Variants in MCTP1 observed in about 807,000 individuals in gnomAD.
The protein encoded by MCTP1 is multiple C2 and transmembrane domain-containing protein 1.
In MCTP1, 69 loss-of-function variants were observed where a neutral mutation model predicts 120.6. The ratio of observed to expected loss-of-function variants is 0.57; its 90% CI spans 0.47 to 0.70. The LOEUF (loss-of-function observed/expected upper bound fraction) is 0.70. MCTP1 is among the 30% of genes least tolerant of loss of function. The probability of loss-of-function intolerance (pLI) is 0.00; values close to 1 mark genes in which losing one functional copy is unlikely to be tolerated. For missense variants in MCTP1, 1,203 were observed against 1,248.8 expected (o/e 0.96, Z 0.55); for synonymous variants, 529 against 493.1 (o/e 1.07, Z -0.96).
At chr5:94,983,461 A>G (rs1379748476) in intron 2 of MCTP1, among the ~76,000 whole-genome samples, 1 of 152,176 alleles carries the variant, frequency 6.6e-6, no homozygotes, top group Non-Finnish European at 1.5e-5. Context: ...TATAAATGGT[A>G]TCAGTGTATT....
chr5:94,774,815 C>A (rs2152919573), intron 19 of MCTP1, among the ~76,000 whole-genome samples: 1 of 152,342 alleles, frequency 6.6e-6, no homozygotes, highest in Non-Finnish European at 1.5e-5. Context: ...TGCCTCCTTT[C>A]TTCTTGCCTT....
chr5:94,772,838 G>T (rs1465082207), intron 19 of MCTP1, among the ~76,000 whole-genome samples: 5 of 152,154 alleles, frequency 3.3e-5, no homozygotes, highest in African/African-American at 1.2e-4. Flanking sequence ...TCATAAGGAA[G>T]CGTAAGGATG....
intron 1 of MCTP1, among the ~76,000 whole-genome samples, chr5:95,229,810 T>C (rs1034701140): frequency 6.6e-6 from 1 of 152,026 alleles, no homozygotes; most frequent in East Asian, 1.9e-4. Context: ...AGATTATGTG[T>C]CAGAGTGTTT....
At chr5:95,226,279 A>G (rs942381087) in intron 1 of MCTP1, among the ~76,000 whole-genome samples, 2 of 152,142 alleles carry the variant, frequency 1.3e-5, no homozygotes, top group East Asian at 1.9e-4. Context: ...CATGTTGTAT[A>G]TATTTAAATA....
chr5:95,251,598 C>T (rs1209122709), intron 1 of MCTP1, among the ~76,000 whole-genome samples: 1 of 152,004 alleles, frequency 6.6e-6, no homozygotes, highest in Non-Finnish European at 1.5e-5. Flanking sequence ...CTAGGGGATT[C>T]CCTATATTAA....
intron 17 of MCTP1, among the ~76,000 whole-genome samples, chr5:94,822,832 T>C (rs919619874): frequency 6.6e-6 from 1 of 152,212 alleles, no homozygotes; most frequent in Non-Finnish European, 1.5e-5. Context: ...TTTTCATATG[T>C]TTGTTGGCTG....
intron 9 of MCTP1, among the ~76,000 whole-genome samples, chr5:94,911,718 CAT>C (rs937190859): frequency 1.3e-5 from 2 of 152,140 alleles, no homozygotes; most frequent in African/African-American, 4.8e-5. Flanking sequence ...ATACATAAGA[CAT>C]GTGCCAAAAA....
intron 10 of MCTP1, among the ~76,000 whole-genome samples, chr5:94,904,514 G>A (rs1467143267): frequency 1.3e-5 from 2 of 152,140 alleles, no homozygotes; most frequent in Non-Finnish European, 2.9e-5. Context: ...ATATCATGAT[G>A]ATGAAAAGTT....
chr5:94,706,264 CAG>C lies in MCTP1; in HGVS notation c.*1230_*1231del, dbSNP rs1385516809. The stretch of plus-strand genomic sequence containing the variant: ...TCAACCAACCAAATTATTTTTTCTC[CAG>C]AGTTATGCTCCCTTAGTATACCAGG... On this transcript the variant is annotated 3_prime_UTR_variant, in exon 23 of 23. Transcript: ENST00000515393. The C allele has an allele frequency of 6.6e-6, 1 of 151,552 alleles. No individual in the cohort carries two copies. The highest frequency in any genetic ancestry group is 1.5e-5 in the Non-Finnish European group (1 of 67,728). 9.4% of individuals were successfully genotyped at this position (151,552 alleles called of 1,614,324 possible).
intron 6 of MCTP1, 45 bp downstream of exon 6, chr5:94,931,908 T>C: frequency 6.9e-7 from 1 of 1,451,244 alleles, no homozygotes; most frequent in Non-Finnish European, 9.6e-7. Flanking sequence ...CAGATGATAG[T>C]TCTGCTCAAC....
chr5:95,203,318 T>C (rs1293823724), intron 1 of MCTP1, among the ~76,000 whole-genome samples: 1 of 152,216 alleles, frequency 6.6e-6, no homozygotes, highest in Non-Finnish European at 1.5e-5. Flanking sequence ...GATTGAATTG[T>C]TGACCCCAAA....
intron 1 of MCTP1, among the ~76,000 whole-genome samples, chr5:95,074,845 G>A (rs1753163226): frequency 6.6e-6 from 1 of 152,190 alleles, no homozygotes; most frequent in Non-Finnish European, 1.5e-5. Flanking sequence ...ATTTTAATAA[G>A]CAGGAAAATT....
intron 1 of MCTP1, among the ~76,000 whole-genome samples, chr5:95,222,175 A>G (rs1340728123): frequency 6.6e-6 from 1 of 152,180 alleles, no homozygotes; most frequent in Admixed American, 6.6e-5. Flanking sequence ...TGCCATCCTC[A>G]GCACGCAGCT....
intron 19 of MCTP1, among the ~76,000 whole-genome samples, chr5:94,741,426 C>T (rs866574631): frequency 8.5e-5 from 13 of 152,194 alleles, no homozygotes; most frequent in African/African-American, 2.9e-4. Context: ...ACCATTCAAA[C>T]ATTTATATCT....
At chr5:94,908,191 G>A (rs1314137107) in intron 10 of MCTP1, among the ~76,000 whole-genome samples, 1 of 151,932 alleles carries the variant, frequency 6.6e-6, no homozygotes, top group Non-Finnish European at 1.5e-5. Context: ...TTAATTAAGG[G>A]AAAAAATGTG....
intron 19 of MCTP1, among the ~76,000 whole-genome samples, chr5:94,745,160 T>G (rs567181299): frequency 6.8e-4 from 103 of 152,330 alleles, no homozygotes; most frequent in Non-Finnish European, 2.8e-4. Flanking sequence ...AGGGGAAGTT[T>G]AGGGCTTCAG....
intron 1 of MCTP1, among the ~76,000 whole-genome samples, chr5:95,145,476 C>T (rs1394907804): frequency 6.6e-6 from 1 of 152,068 alleles, no homozygotes; most frequent in South Asian, 2.1e-4. Context: ...TGTTCTAGTT[C>T]TCAAGAGGAA....
At chr5:94,855,770 A>G (rs542084708) in intron 17 of MCTP1, among the ~76,000 whole-genome samples, 6 of 151,926 alleles carry the variant, frequency 3.9e-5, no homozygotes, top group Non-Finnish European at 5.9e-5. Flanking sequence ...TTATTTTTCA[A>G]CTGCTTTAAC....
chr5:94,785,396 T>C (rs1029111635), intron 18 of MCTP1, among the ~76,000 whole-genome samples: 1 of 152,060 alleles, frequency 6.6e-6, no homozygotes, highest in Non-Finnish European at 1.5e-5. Context: ...ATTAATTCAA[T>C]TGAGTAGGAA....
Sources: gnomAD v4.1 joint callset for allele counts (sites outside exome capture counted in the v4.1 genomes callset) on GRCh38, gnomAD v4.1.1 for gene constraint, MANE v1.5 for transcripts, NCBI Gene and HGNC (gene_info 2026-07-23, HGNC 2026-07-21) for gene names.